P4HA1: variants seen among roughly 807,000 people sequenced by gnomAD.
P4HA1 encodes prolyl 4-hydroxylase subunit alpha-1.
In P4HA1, 24 loss-of-function variants were observed where a neutral mutation model predicts 72.8. The observed-to-expected ratio is 0.33, with a 90% CI of 0.24 to 0.46. P4HA1 has a LOEUF of 0.46. Among genes scored for constraint, P4HA1 ranks in the 20% least tolerant of loss-of-function variants. P4HA1 has a pLI of 1.00. For synonymous variants in P4HA1, 201 were observed against 218.8 expected (o/e 0.92, Z 0.72); for missense variants, 446 against 640.6 (o/e 0.70, Z 3.28).
chr10:73,079,995 T>C (rs563727020), intron 1 of P4HA1, among the ~76,000 whole-genome samples: 40 of 152,214 alleles, frequency 2.6e-4, no homozygotes, highest in African/African-American at 9.1e-4. Flanking sequence ...GGATGTGAAC[T>C]TGGGGCTCTC....
At chr10:73,072,924 C>T (rs1841599783) in intron 3 of P4HA1, among the ~76,000 whole-genome samples, 1 of 152,078 alleles carries the variant, frequency 6.6e-6, no homozygotes, top group South Asian at 2.1e-4. Context: ...AATCCCAGCA[C>T]TCTGGGAGGC....
chr10:73,013,833 C>T (rs1839959246), intron 12 of P4HA1, among the ~76,000 whole-genome samples: 1 of 152,042 alleles, frequency 6.6e-6, no homozygotes, highest in Admixed American at 6.6e-5. Flanking sequence ...TTAATTTGCG[C>T]ACTCTTCTGA....
chr10:73,058,058 C>T (rs1034470212), intron 5 of P4HA1, among the ~76,000 whole-genome samples: 25 of 135,266 alleles, frequency 1.8e-4, no homozygotes, highest in African/African-American at 6.6e-4. Context: ...CCACTGCACT[C>T]CAGTCTGGGT....
intron 1 of P4HA1, among the ~76,000 whole-genome samples, chr10:73,085,892 CTG>C (rs1472666707): frequency 4.6e-5 from 7 of 152,128 alleles, no homozygotes; most frequent in African/African-American, 1.7e-4. Flanking sequence ...ACTTGGGAGA[CTG>C]AGGCAGGAGG....
At chr10:73,047,191 CT>C in intron 7 of P4HA1, 90 bp from the exon 8 acceptor site, 5 of 917,470 alleles carry the variant, frequency 5.4e-6, no homozygotes, top group Non-Finnish European at 8.5e-6. Flanking sequence ...AATAATCATG[CT>C]TGCATATACA....
At chr10:73,043,052 T>G (rs1230620856) in intron 9 of P4HA1, among the ~76,000 whole-genome samples, 7 of 152,120 alleles carry the variant, frequency 4.6e-5, no homozygotes, top group Admixed American at 1.3e-4. Context: ...ACAAAAAGCC[T>G]GTGTTAAAGA....
chr10:73,011,095 ATT>A, intron 12 of P4HA1, 58 bp from the exon 13 acceptor site: 1 of 1,275,078 alleles, frequency 7.8e-7, no homozygotes, highest in Non-Finnish European at 1.1e-6. Context: ...AAAACATGCC[ATT>A]ATATAGACTT....
rs148536387 is a variant in P4HA1, at chr10:73,069,574, C to T, written c.326-591G>A. On this transcript the variant is annotated intron_variant, in intron 4 of 14. Transcript: ENST00000394890. ...AAATCAGTTTAATTATCAAACATGA[C>T]GTTGATCAACCAAAATTTACAATAT... is the stretch of plus-strand genomic sequence containing the variant. Among the ~76,000 whole-genome samples the T allele has an allele frequency of 4.6e-5, 7 of 152,096 alleles. 1 individual carries two copies. Among genetic ancestry groups the T allele is most frequent in the African/African-American group, 1.7e-4 (7 of 41,510 alleles).
At chr10:73,048,116 A>C (rs1840918521) in intron 7 of P4HA1, among the ~76,000 whole-genome samples, 1 of 152,196 alleles carries the variant, frequency 6.6e-6, no homozygotes, top group African/African-American at 2.4e-5. Context: ...GTCTGTTTCA[A>C]TTATTATACT....
chr10:73,072,967 C>T (rs1841601740), intron 3 of P4HA1, among the ~76,000 whole-genome samples: 2 of 151,878 alleles, frequency 1.3e-5, no homozygotes, highest in Non-Finnish European at 2.9e-5. Context: ...GTCAGGAGTT[C>T]GAGACCAGCC....
At position 73,037,559 on chromosome 10, in the gene P4HA1, ATATATATATATAT is replaced by A. The variant is rs1301519078; in HGVS notation, c.1149-7202_1149-7190del. ...TATATATATATATATATATATATAT[ATATATATATATAT>A]TTTTTTTTTTTTTTTTTTACAAAGG... On this transcript the variant is annotated intron_variant, in intron 9 of 14. Coordinates refer to ENST00000394890, the MANE Select transcript of P4HA1 (RefSeq NM_001017962.3). Among the ~76,000 whole-genome samples, 160 of 32,268 alleles carry A rather than the reference ATATATATATATAT, an allele frequency of 5.0e-3. 3 individuals carry two copies. Among genetic ancestry groups the A allele is most frequent in the East Asian group, 0.012 (10 of 852 alleles). The allele number at this position is 32,268 out of a possible 152,430, so 21.2% of individuals were successfully genotyped here.
chr10:73,057,691 T>G (rs1841183741), intron 5 of P4HA1, among the ~76,000 whole-genome samples: 1 of 152,006 alleles, frequency 6.6e-6, no homozygotes, highest in Non-Finnish European at 1.5e-5. Flanking sequence ...ACAAAGCACA[T>G]TTGAGGGCTT....
At chr10:73,079,261 G>A (rs753226726) in intron 1 of P4HA1, among the ~76,000 whole-genome samples, 3 of 152,016 alleles carry the variant, frequency 2.0e-5, no homozygotes, top group Non-Finnish European at 4.4e-5. Flanking sequence ...TTCGAAACCA[G>A]CCCAGGCAAC....
At chr10:73,065,409 G>A (rs1028220084) in intron 5 of P4HA1, 1 of 152,164 alleles carries the variant, frequency 6.6e-6, no homozygotes, top group Non-Finnish European at 1.5e-5. Flanking sequence ...CATTTCAAAA[G>A]ATAGGCCCAA....
chr10:73,075,007 G>A (rs1463484992), intron 1 of P4HA1, 92 bp from the exon 2 acceptor site: 2 of 575,660 alleles, frequency 3.5e-6, no homozygotes, highest in East Asian at 3.0e-5. Flanking sequence ...AAAAGTAAAA[G>A]ATTCCAAGGT....
intron 5 of P4HA1, among the ~76,000 whole-genome samples, chr10:73,061,383 A>G (rs952734945): frequency 3.3e-5 from 5 of 152,212 alleles, no homozygotes; most frequent in African/African-American, 1.2e-4. Context: ...AACATTCCAC[A>G]TAACATATGA....
chr10:73,011,583 A>C (rs554673046), intron 12 of P4HA1, among the ~76,000 whole-genome samples: 5 of 152,354 alleles, frequency 3.3e-5, no homozygotes, highest in Non-Finnish European at 5.9e-5. Context: ...TTAAAGGATT[A>C]TATAAAGTTA....
chr10:73,088,750 A>G (rs993259505), intron 1 of P4HA1, among the ~76,000 whole-genome samples: 2 of 152,248 alleles, frequency 1.3e-5, no homozygotes, highest in African/African-American at 2.4e-5. Flanking sequence ...TGAATATTCA[A>G]CTGTTCCAGA....
intron 1 of P4HA1, among the ~76,000 whole-genome samples, chr10:73,083,746 C>T (rs1841869923): frequency 6.6e-6 from 1 of 152,076 alleles, no homozygotes; most frequent in Non-Finnish European, 1.5e-5. Flanking sequence ...GTTCTGAATG[C>T]CTGAACTACA....
Sources: gnomAD v4.1 joint callset for allele counts (sites outside exome capture counted in the v4.1 genomes callset) on GRCh38, gnomAD v4.1.1 for gene constraint, MANE v1.5 for transcripts, NCBI Gene and HGNC (gene_info 2026-07-23, HGNC 2026-07-21) for gene names.